Variants in SLC47A2 observed in about 807,000 individuals in gnomAD.
SLC47A2 encodes the protein solute carrier family 47 member 2.
A neutral mutation model predicts 67.7 loss-of-function variants in SLC47A2; 52 were observed. That is an observed-to-expected ratio of 0.77 (90% confidence interval 0.61 to 0.97). The LOEUF is 0.97. Among genes scored for constraint, SLC47A2 ranks in the 50% least tolerant of loss-of-function variants. SLC47A2 has a pLI of 0.00. For synonymous variants in SLC47A2, 278 were observed against 292.9 expected (o/e 0.95, Z 0.52); for missense variants, 676 against 712.3 (o/e 0.95, Z 0.58).
intron 13 of SLC47A2, among the ~76,000 whole-genome samples, chr17:19,689,414 TGGCCA>T (rs2085492309): frequency 6.6e-6 from 1 of 152,100 alleles, no homozygotes; most frequent in Non-Finnish European, 1.5e-5. Context: ...AAATGAAAGA[TGGCCA>T]GGCACGCTGG....
chr17:19,678,867 T>C lies in SLC47A2; in HGVS notation c.1520A>G (p.Tyr507Cys), dbSNP rs764964844. 1 of 1,601,676 alleles carries C rather than the reference T, an allele frequency of 6.2e-7. No homozygotes were observed. Among genetic ancestry groups the C allele is most frequent in the Non-Finnish European group, 8.5e-7 (1 of 1,173,322 alleles). Residue 507 changes from tyrosine (Y) to cysteine (C), a missense_variant, in exon 17 of 17, where the codon TAT (tyrosine) becomes TGT (cysteine). Tyr to Cys is a radical substitution (Grantham distance 194). Transcript: ENST00000433844. ...GTCCACGTGGCACTCAGACCTTGAA[T>C]ACGTTGTCAAGGTAATGCCAGGGGA... is the stretch of plus-strand genomic sequence containing the variant. ...GSSPGITLTT[Y>C]SRSECHVDFF...
At chr17:19,684,994 C>T (rs893539309) in intron 13 of SLC47A2, among the ~76,000 whole-genome samples, 37 of 152,218 alleles carry the variant, frequency 2.4e-4, no homozygotes, top group South Asian at 6.2e-4. Context: ...TCCAGGCACG[C>T]GCTGCCACTC....
chr17:19,682,363 A>ACACACC (rs369670906), intron 13 of SLC47A2, among the ~76,000 whole-genome samples: 65 of 151,238 alleles, frequency 4.3e-4, no homozygotes, highest in African/African-American at 1.5e-3. Flanking sequence ...ACACACACAC[A>ACACACC]CAAATTTATT....
At chr17:19,704,889 G>T (rs915668482) in intron 10 of SLC47A2, 2 of 456,900 alleles carry the variant, frequency 4.4e-6, no homozygotes, top group Non-Finnish European at 7.6e-6. Flanking sequence ...GCAGTGGCAC[G>T]ATCTCGGCTC....
At chr17:19,682,641 CT>C (rs2085341909) in intron 13 of SLC47A2, among the ~76,000 whole-genome samples, 1 of 152,242 alleles carries the variant, frequency 6.6e-6, no homozygotes, top group African/African-American at 2.4e-5. Context: ...GATAATCCCC[CT>C]ATCTCCAGAT....
chr17:19,715,370 A>T (rs1003469893), intron 1 of SLC47A2, among the ~76,000 whole-genome samples, 153 bp from the exon 2 acceptor site: 1 of 152,140 alleles, frequency 6.6e-6, no homozygotes, highest in African/African-American at 2.4e-5. Flanking sequence ...CGGATGACCT[A>T]GCCCAGCTCC....
chr17:19,714,072 G>A (rs1240509045), intron 3 of SLC47A2, 99 bp from the exon 4 acceptor site: 3 of 1,467,050 alleles, frequency 2.0e-6, no homozygotes, highest in African/African-American at 2.8e-5. Flanking sequence ...GCGGTGTGTG[G>A]CGGACCCGGC....
chr17:19,695,481 T>TA (rs78650311), intron 13 of SLC47A2, among the ~76,000 whole-genome samples: 29 of 74,522 alleles, frequency 3.9e-4, no homozygotes, highest in South Asian at 1.1e-3. Flanking sequence ...AGACCTGTCT[T>TA]AAAAAAAAAA....
At chr17:19,694,915 CAAAA>C (rs34430678) in intron 13 of SLC47A2, among the ~76,000 whole-genome samples, 3 of 122,112 alleles carry the variant, frequency 2.5e-5, no homozygotes, top group African/African-American at 6.2e-5. Context: ...GACTCCATCT[CAAAA>C]AAAAAAAAAA....
chr17:19,704,066 C>T lies in SLC47A2; in HGVS notation c.1018+4G>A. 1 of 1,602,214 alleles carries T rather than the reference C, an allele frequency of 6.2e-7. No individual in the cohort carries two copies. Among genetic ancestry groups the T allele is most frequent in the Non-Finnish European group, 8.5e-7 (1 of 1,176,362 alleles). ...AAGGCCCACCAGGAGAGGACTCCAC[C>T]TACCTATGCTGAGCACGCCCGAGAC... On this transcript the variant is annotated splice_donor_region_variant and intron_variant, in intron 11 of 16. Transcript: ENST00000433844.
chr17:19,714,441 G>T lies in SLC47A2; in HGVS notation c.294+280C>A, dbSNP rs543813271. 6 of 532,742 alleles carry T rather than the reference G, an allele frequency of 1.1e-5. No individual in the cohort carries two copies. In the Admixed American group the frequency reaches 1.9e-4, roughly 17 times the overall value. 33.0% of individuals were successfully genotyped at this position (532,742 alleles called of 1,614,324 possible). On this transcript the variant is annotated intron_variant, in intron 3 of 16. Transcript: ENST00000433844. ...AACTTAGGATTGAGGCTGGGGAACCGGTTGTCTTTCTCTACTTGGTGACCT... is the reference window on the plus strand; with the variant it reads ...AACTTAGGATTGAGGCTGGGGAACCTGTTGTCTTTCTCTACTTGGTGACCT...
In SLC47A2 at chr17:19,678,767, G is replaced by C; in HGVS notation, c.1620C>G (p.Ile540Met). The C allele has an allele frequency of 3.1e-6, 5 of 1,614,200 alleles. No individual in the cohort carries two copies. The highest frequency in any genetic ancestry group is 4.2e-6 in the Non-Finnish European group (5 of 1,180,046). The change falls in exon 17 of 17, where the codon ATC becomes ATG. Residue 540 changes from isoleucine (I) to methionine (M), a missense_variant. Transcript: ENST00000433844. ...TSRLSVKQLV[I>M]RRGAALGAAS... Reference sequence around the variant, plus strand: ...CCGCCCCCAGAGCAGCCCCACGGCGGATGACCAGCTGTTTCACTGATAGTC... The same window carrying C: ...CCGCCCCCAGAGCAGCCCCACGGCGCATGACCAGCTGTTTCACTGATAGTC...
At position 19,679,835 on chromosome 17, in the gene SLC47A2, A is replaced by C. The variant is rs1190582391; in HGVS notation, c.1480+117T>G. Reference sequence around the variant, plus strand: ...ACATCATTTTCATAATAATGGGAAGAAAAATAGCTTGGGCTTGTACAATTT... The same window carrying C: ...ACATCATTTTCATAATAATGGGAAGCAAAATAGCTTGGGCTTGTACAATTT... On this transcript the variant is annotated intron_variant, in intron 16 of 16. Coordinates refer to ENST00000433844, the MANE Select transcript of SLC47A2 (RefSeq NM_001099646.3). The C allele has an allele frequency of 4.0e-6, 4 of 1,003,444 alleles. No homozygotes were observed. In the African/African-American group the frequency reaches 6.6e-5, roughly 17 times the overall value. 62.2% of individuals were successfully genotyped at this position (1,003,444 alleles called of 1,614,324 possible).
intron 13 of SLC47A2, among the ~76,000 whole-genome samples, chr17:19,682,528 C>A (rs1191879020): frequency 6.6e-6 from 1 of 152,198 alleles, no homozygotes; most frequent in East Asian, 1.9e-4. Context: ...GGTGGCCCCA[C>A]ATCACTCTAA....
chr17:19,712,715 A>G lies in SLC47A2; in HGVS notation c.474T>C (p.Ile158=), dbSNP rs1396144050. 6.2e-7 allele frequency: 1 copy of G among 1,613,506 alleles called. No homozygotes were observed. The highest frequency in any genetic ancestry group is 1.1e-5 in the South Asian group (1 of 90,750). Residue 158 remains isoleucine, a synonymous_variant, in exon 5 of 17, where the codon ATT becomes ATC. Transcript: ENST00000433844. ...CAGGGGCACCTACCGGAAGTCCTGG[A>G]ATGAAAATCATTACATAGTCCTGGG... The part of the protein sequence containing the change: ...RLTQDYVMIF[I]PGLPVIFLYN...
intron 9 of SLC47A2, 94 bp from the exon 10 acceptor site, chr17:19,705,597 CT>C (rs34629869): frequency 0.35 from 305,222 of 866,740 alleles, 15,273 homozygotes; most frequent in East Asian, 0.42. Context: ...GACTCAGGGG[CT>C]TTTTTTTTTT....
chr17:19,679,527 C>G (rs761646444), intron 16 of SLC47A2, among the ~76,000 whole-genome samples: 9 of 152,160 alleles, frequency 5.9e-5, no homozygotes, highest in Non-Finnish European at 8.8e-5. Flanking sequence ...GGCTGGCTGA[C>G]AAGCCAGGCT....
chr17:19,705,537 A>T, intron 9 of SLC47A2, 34 bp from the exon 10 acceptor site: 1 of 1,595,532 alleles, frequency 6.3e-7, no homozygotes, highest in Non-Finnish European at 8.5e-7. Flanking sequence ...TCCGGCCCGC[A>T]GCCCCAGACA....
rs2086220299 is a variant in SLC47A2 at position 19,715,203 on chromosome 17, CA to C, written c.137del (p.Val46GlyfsTer2). 6.2e-7 allele frequency: 1 copy of C among 1,610,234 alleles called. No homozygotes were observed. The highest frequency in any genetic ancestry group is 8.5e-7 in the Non-Finnish European group (1 of 1,179,986). On this transcript the variant is annotated frameshift_variant, in exon 2 of 17. Coordinates refer to ENST00000433844, the MANE Select transcript of SLC47A2 (RefSeq NM_001099646.3). LOFTEE classifies it high-confidence loss of function. ...ALSGPLFLFQ[V>X]LTFMIYIVST... is the part of the protein sequence containing the mutation. ...TCACGATGTAGATCATAAAAGTCAG[CA>C]CCTGGAACAGGAACTGGAGGACAGC...
Sources: gnomAD v4.1 joint callset for allele counts (sites outside exome capture counted in the v4.1 genomes callset) on GRCh38, gnomAD v4.1.1 for gene constraint, MANE v1.5 for transcripts, NCBI Gene and HGNC (gene_info 2026-07-23, HGNC 2026-07-21) for gene names.